Variants in PDE4DIP observed in about 807,000 individuals in gnomAD.
PDE4DIP encodes myomegalin.
Under a neutral mutation model 221.4 loss-of-function variants are expected in PDE4DIP, and 59 were observed. The ratio of observed to expected loss-of-function variants is 0.27; its 90% CI spans 0.22 to 0.33. The LOEUF (loss-of-function observed/expected upper bound fraction) is 0.33. Among genes scored for constraint, PDE4DIP ranks in the 10% least tolerant of loss-of-function variants. The probability of loss-of-function intolerance (pLI) is 1.00; values close to 1 mark genes in which losing one functional copy is unlikely to be tolerated. For synonymous variants in PDE4DIP, 404 were observed against 815.9 expected (o/e 0.50, Z 8.60); for missense variants, 1,036 against 2,154.2 (o/e 0.48, Z 10.28).
chr1:149,016,345 C>T (rs369950064), exon 33 of PDE4DIP: 62 of 1,604,012 alleles, frequency 3.9e-5, no homozygotes, highest in Middle Eastern at 1.6e-4. Flanking sequence ...TGCTGAGCAA[C>T]GACTTGGAAG....
chr1:148,951,315 G>A (rs1185232392), intron 5 of PDE4DIP, among the ~76,000 whole-genome samples: 1 of 149,270 alleles, frequency 6.7e-6, no homozygotes, highest in Non-Finnish European at 1.5e-5. Context: ...TGCCTCTCAA[G>A]CCAGGAAGAT....
At chr1:148,950,312 C>T (rs2052840385) in intron 5 of PDE4DIP, among the ~76,000 whole-genome samples, 2 of 151,544 alleles carry the variant, frequency 1.3e-5, no homozygotes, top group South Asian at 4.2e-4. Flanking sequence ...AAGCATGTTG[C>T]TTAATTTCTT....
chr1:149,007,297 G>A (rs782331348), exon 28 of PDE4DIP: 37 of 1,606,156 alleles, frequency 2.3e-5, no homozygotes, highest in Middle Eastern at 1.8e-4. Flanking sequence ...TTATCACCCG[G>A]CATGCAAAAG....
exon 34 of PDE4DIP, chr1:149,017,862 C>G (rs1553613444): frequency 6.2e-7 from 1 of 1,613,602 alleles, no homozygotes; most frequent in Non-Finnish European, 8.5e-7. Context: ...CGGCTGACCT[C>G]TACTGCTCGT....
chr1:148,955,353 C>G (rs1333836205), intron 5 of PDE4DIP, among the ~76,000 whole-genome samples: 1 of 151,576 alleles, frequency 6.6e-6, no homozygotes, highest in East Asian at 1.9e-4. Context: ...CAAATATGAC[C>G]AATATTGTAG....
chr1:148,844,431 C>T (rs1413153793), intron 1 of PDE4DIP: 1 of 221,340 alleles, frequency 4.5e-6, no homozygotes, highest in Middle Eastern at 1.6e-3. Flanking sequence ...GCCAGCCAGT[C>T]GTGTCTCAGC....
intron 1 of PDE4DIP, among the ~76,000 whole-genome samples, chr1:148,920,088 G>T (rs1363734778): frequency 6.7e-6 from 1 of 148,904 alleles, no homozygotes; most frequent in Non-Finnish European, 1.5e-5. Flanking sequence ...ATGTATGCTG[G>T]TATGCTGTCA....
At chr1:148,981,126 A>G (rs1453903278) in intron 20 of PDE4DIP, 144 bp from the exon 24 acceptor site, 17 of 724,888 alleles carry the variant, frequency 2.3e-5, no homozygotes, top group African/African-American at 2.1e-4. Context: ...CACAAAGACT[A>G]CATTCATTTA....
intron 5 of PDE4DIP, among the ~76,000 whole-genome samples, chr1:148,956,182 C>T (rs1420103581): frequency 6.6e-6 from 1 of 151,858 alleles, no homozygotes; most frequent in Non-Finnish European, 1.5e-5. Flanking sequence ...TGTAGAAACA[C>T]GAAACCATGA....
intron 1 of PDE4DIP, among the ~76,000 whole-genome samples, chr1:148,925,872 G>A (rs587765213): frequency 6.6e-6 from 1 of 151,944 alleles, no homozygotes; most frequent in East Asian, 1.9e-4. Flanking sequence ...GCAGGAAAGT[G>A]ATAGAGCCAG....
Position 148,922,660 on chromosome 1 carries a change from G to T in PDE4DIP, c.142-6537G>T, listed in dbSNP as rs57384656. On this transcript the variant is annotated intron_variant, in intron 1 of 43. Transcript: ENST00000369354. ...TGGAGTGCAGTGGCGCGATCTCAGCGCATTGCAAGCTCCGACTCCTGGGTT... is the reference window on the plus strand; with the variant it reads ...TGGAGTGCAGTGGCGCGATCTCAGCTCATTGCAAGCTCCGACTCCTGGGTT... Among the ~76,000 whole-genome samples the T allele has an allele frequency of 2.3e-3, 343 of 147,378 alleles. 9 individuals are homozygous for T. The highest frequency in any genetic ancestry group is 0.016 in the East Asian group (75 of 4,620).
At chr1:149,000,561 A>T (rs1275315944) in intron 23 of PDE4DIP, among the ~76,000 whole-genome samples, 1 of 151,926 alleles carries the variant, frequency 6.6e-6, no homozygotes, top group Non-Finnish European at 1.5e-5. Context: ...CTCAAAAAAA[A>T]AAAATAAATA....
chr1:148,870,266 A>G (rs1553412433), intron 3 of PDE4DIP: 1 of 388,892 alleles, frequency 2.6e-6, no homozygotes, highest in Non-Finnish European at 4.1e-6. Context: ...TAACACCCCA[A>G]CCCCCTCCTT....
At chr1:148,949,704 T>G (rs1553486142) in intron 5 of PDE4DIP, among the ~76,000 whole-genome samples, 1 of 152,234 alleles carries the variant, frequency 6.6e-6, no homozygotes, top group Non-Finnish European at 1.5e-5. Flanking sequence ...TCACGTTTTA[T>G]TATCTACATA....
At chr1:149,013,234 G>C (rs587635206) in intron 32 of PDE4DIP, among the ~76,000 whole-genome samples, 2 of 151,526 alleles carry the variant, frequency 1.3e-5, no homozygotes, top group Non-Finnish European at 2.9e-5. Context: ...GATATCATTA[G>C]GTTGGAGCAA....
chr1:148,905,178 GTTTTTTTTTTTTTT>G (rs56687289), intron 1 of PDE4DIP, among the ~76,000 whole-genome samples: 1 of 94,534 alleles, frequency 1.1e-5, no homozygotes, highest in Non-Finnish European at 2.0e-5. Context: ...TCTCTTCTAG[GTTTTTTTTTTTTTT>G]TTTTTTTTTG....
chr1:148,838,781 A>G (rs1231996352), intron 1 of PDE4DIP, among the ~76,000 whole-genome samples: 1 of 59,240 alleles, frequency 1.7e-5, no homozygotes, highest in Non-Finnish European at 3.8e-5. Context: ...CACCTTTTCT[A>G]TTTTCCCACA....
exon 44 of PDE4DIP, chr1:149,032,467 A>G (rs2076964827): frequency 5.3e-6 from 2 of 375,100 alleles, no homozygotes; most frequent in South Asian, 3.5e-5. Flanking sequence ...CCTGCCGGAC[A>G]CTGCTGGCGG....
rs2060468355 is a variant in PDE4DIP, at chr1:148,977,792, C to T, written c.2320-145C>T. 1.7e-5 allele frequency: 21 copies of T among 1,255,914 alleles called. No homozygotes were observed. In the South Asian group the frequency reaches 2.8e-4, roughly 17 times the overall value. The allele number at this position is 1,255,914 out of a possible 1,614,324, so 77.8% of individuals were successfully genotyped here. A position where few individuals can be genotyped will look rare whatever the true frequency, so the allele number is the denominator to read the frequency against. On this transcript the variant is annotated intron_variant, in intron 17 of 43. Coordinates refer to ENST00000369354, the Ensembl canonical transcript of PDE4DIP. ...TAAAACTTCCTTTGTTACTATACTG[C>T]ATGGATTATTGGTTTGATGCTGTAG...
Sources: allele counts gnomAD v4.1 joint callset (sites outside exome capture counted in the v4.1 genomes callset), GRCh38; gene constraint gnomAD v4.1.1; transcripts MANE v1.5; gene names NCBI Gene and HGNC (gene_info 2026-07-23, HGNC 2026-07-21).